Variants in ARPC5L observed in about 807,000 individuals in gnomAD.
ARPC5L encodes actin related protein 2/3 complex subunit 5 like, also known as actin-related protein 2/3 complex subunit 5-like protein.
A neutral mutation model predicts 16.9 loss-of-function variants in ARPC5L; 4 were observed. The observed-to-expected ratio is 0.24, with a 90% CI of 0.12 to 0.54. The LOEUF (loss-of-function observed/expected upper bound fraction) is 0.54, where lower values mean the gene tolerates loss of function less well. Ranked by LOEUF, ARPC5L falls within the 20% of genes least tolerant of loss-of-function variation. The pLI, the probability that ARPC5L is intolerant of heterozygous loss-of-function variation, is 0.95. For missense variants in ARPC5L, 151 were observed against 201.9 expected, an observed-to-expected ratio of 0.75 and a Z score of 1.53; for synonymous variants, 78 against 82.6, an observed-to-expected ratio of 0.94 and a Z score of 0.30.
chr9:124,871,679 C>T (rs1270332283), intron 3 of ARPC5L, among the ~76,000 whole-genome samples: 1 of 152,152 alleles, frequency 6.6e-6, no homozygotes, highest in African/African-American at 2.4e-5. Flanking sequence ...AGTATGAGTT[C>T]CTTTCCCCTT....
chr9:124,869,591 C>T (rs1008326920), intron 3 of ARPC5L, 152 bp downstream of exon 3: 7 of 1,301,482 alleles, frequency 5.4e-6, no homozygotes, highest in African/African-American at 3.1e-5. Context: ...CCCGGCTTCC[C>T]TGGGCCGTGC....
chr9:124,865,530 CTG>C (rs1237087521), intron 2 of ARPC5L, among the ~76,000 whole-genome samples: 1 of 152,126 alleles, frequency 6.6e-6, no homozygotes, highest in African/African-American at 2.4e-5. Context: ...TGGCTCACGT[CTG>C]TAATCCTAGC....
At chr9:124,869,765 C>T (rs571409433) in intron 3 of ARPC5L, among the ~76,000 whole-genome samples, 2 of 152,356 alleles carry the variant, frequency 1.3e-5, no homozygotes, top group Admixed American at 1.3e-4. Context: ...CACGCTGTCC[C>T]TTCCTTGGGG....
rs1052051159 is a variant in ARPC5L, at chr9:124,877,605, C to G, written c.*665C>G. The G allele has an allele frequency of 6.6e-6, 1 of 152,352 alleles. No individual in the cohort carries two copies. Among genetic ancestry groups the G allele is most frequent in the Non-Finnish European group, 1.5e-5 (1 of 68,056 alleles). 9.4% of individuals were successfully genotyped at this position (152,352 alleles called of 1,614,324 possible). On this transcript the variant is annotated 3_prime_UTR_variant, in exon 6 of 6. Transcript: ENST00000353214. ...CAGGACGCCAGCCTCGGCCTCAGAG[C>G]TGCCGGCTGCTGCAGAGAGGTGTTT...
chr9:124,873,862 AG>A, intron 4 of ARPC5L, 98 bp downstream of exon 4: 2 of 1,471,668 alleles, frequency 1.4e-6, no homozygotes, highest in Non-Finnish European at 1.9e-6. Flanking sequence ...CATCAGAGGG[AG>A]TGAGTTGGCA....
In ARPC5L at chr9:124,862,276, C is replaced by G. The variant is rs1829213369; in HGVS notation, c.-1106C>G. On this transcript the variant is annotated 5_prime_UTR_variant, in exon 1 of 6. Coordinates refer to ENST00000353214, the MANE Select transcript of ARPC5L (RefSeq NM_030978.3). ...TCAGTCATTCGTTCATTCATTCCTT[C>G]GGGAAACCTTGCAGATCTCCCAATC... 4.0e-6 allele frequency: 1 copy of G among 252,672 alleles called. No homozygotes were observed. The highest frequency in any genetic ancestry group is 7.6e-6 in the Non-Finnish European group (1 of 132,364). The allele number at this position is 252,672 out of a possible 1,614,324, so 15.7% of individuals were successfully genotyped here.
Position 124,869,454 on chromosome 9 carries a change from C to G in ARPC5L, c.149+15C>G. On this transcript the variant is annotated intron_variant, in intron 3 of 5. Coordinates refer to ENST00000353214, the MANE Select transcript of ARPC5L (RefSeq NM_030978.3). Reference sequence around the variant, plus strand: ...CTCCTGCGGCAATATCCTTCCCTGACGCGGCGTCCGGGCCTGCGCGCGGCC... The same window carrying G: ...CTCCTGCGGCAATATCCTTCCCTGAGGCGGCGTCCGGGCCTGCGCGCGGCC... 6.9e-7 allele frequency: 1 copy of G among 1,439,242 alleles called. No individual in the cohort carries two copies. Among genetic ancestry groups the G allele is most frequent in the Non-Finnish European group, 9.1e-7 (1 of 1,097,706 alleles). The allele number at this position is 1,439,242 out of a possible 1,614,324, so 89.2% of individuals were successfully genotyped here.
intron 3 of ARPC5L, 23 bp from the exon 4 acceptor site, chr9:124,873,669 A>G (rs1452116829): frequency 6.2e-7 from 1 of 1,613,980 alleles, no homozygotes; most frequent in East Asian, 2.2e-5. Context: ...GAGCCTAGCT[A>G]TCCTTAACTG....
intron 3 of ARPC5L, chr9:124,873,353 G>A (rs1358507516): frequency 7.3e-6 from 2 of 275,174 alleles, no homozygotes; most frequent in East Asian, 8.2e-5. Flanking sequence ...TCACATGTAC[G>A]GGTGCTGTGA....
chr9:124,866,129 C>T (rs560831827), intron 2 of ARPC5L, among the ~76,000 whole-genome samples: 4 of 151,310 alleles, frequency 2.6e-5, no homozygotes, highest in South Asian at 2.1e-4. Flanking sequence ...ACAGGTCAGG[C>T]GCAGTGGCTC....
intron 5 of ARPC5L, among the ~76,000 whole-genome samples, chr9:124,876,499 T>G (rs969265817): frequency 6.6e-6 from 1 of 152,048 alleles, no homozygotes; most frequent in Non-Finnish European, 1.5e-5. Context: ...AAAAAATAAA[T>G]TAGCCGGGCC....
At chr9:124,870,015 C>T (rs963146178) in intron 3 of ARPC5L, among the ~76,000 whole-genome samples, 1 of 152,186 alleles carries the variant, frequency 6.6e-6, no homozygotes, top group Non-Finnish European at 1.5e-5. Flanking sequence ...GAGATTGTGT[C>T]TCTCTTCCCC....
intron 2 of ARPC5L, among the ~76,000 whole-genome samples, chr9:124,864,814 T>C (rs371282564): frequency 2.6e-5 from 4 of 151,400 alleles, no homozygotes; most frequent in African/African-American, 7.2e-5. Flanking sequence ...CCTGGACCTT[T>C]TTTTTTTTTT....
In ARPC5L at chr9:124,869,391, C is replaced by A; in HGVS notation, c.101C>A (p.Ala34Glu). 6.6e-7 allele frequency: 1 copy of A among 1,510,752 alleles called. No individual in the cohort carries two copies. Among genetic ancestry groups the A allele is most frequent in the Non-Finnish European group, 8.9e-7 (1 of 1,129,396 alleles). 93.6% of individuals were successfully genotyped at this position (1,510,752 alleles called of 1,614,324 possible). ...VDEQEEAAAA[A>E]AEPGPDPSEV... ...GAGCAGGAGGAGGCGGCGGCGGCGGCGGCGGAGCCAGGCCCGGACCCGAGC... is the reference window on the plus strand; with the variant it reads ...GAGCAGGAGGAGGCGGCGGCGGCGGAGGCGGAGCCAGGCCCGGACCCGAGC... The change falls in exon 3 of 6, where the codon GCG becomes GAG. Residue 34 changes from alanine to glutamate, a missense_variant. Coordinates refer to ENST00000353214, the MANE Select transcript of ARPC5L (RefSeq NM_030978.3).
At position 124,869,297 on chromosome 9, in the gene ARPC5L, C is replaced by T. The variant is rs1829319488; in HGVS notation, c.7C>T (p.Arg3Trp). The change falls in exon 3 of 6, where the codon CGG becomes TGG. Residue 3 changes from arginine (R) to tryptophan (W), a missense_variant. Physicochemically the swap from Arg to Trp is moderately radical, Grantham distance 101. Transcript: ENST00000353214. The stretch of plus-strand genomic sequence containing the variant: ...CGGGCGCCGAGCTCCCGCCATGGCC[C>T]GGAACACGCTGTCCTCGCGCTTCCG... MA[R>W]NTLSSRFRRV... 6.6e-7 allele frequency: 1 copy of T among 1,525,386 alleles called. No individual in the cohort carries two copies. Among genetic ancestry groups the T allele is most frequent in the East Asian group, 2.7e-5 (1 of 36,710 alleles). 94.5% of individuals were successfully genotyped at this position (1,525,386 alleles called of 1,614,324 possible).
Position 124,870,539 on chromosome 9 carries a change from T to G in ARPC5L, c.149+1100T>G, listed in dbSNP as rs978219134. On this transcript the variant is annotated intron_variant, in intron 3 of 5. Transcript: ENST00000353214. Reference sequence around the variant, plus strand: ...GGGAGCCCGGCAGTGCTCCTGAGTGTGCCTTTAAACCGAAAACCTTCAGAC... The same window carrying G: ...GGGAGCCCGGCAGTGCTCCTGAGTGGGCCTTTAAACCGAAAACCTTCAGAC... Among the ~76,000 whole-genome samples the G allele has an allele frequency of 2.6e-5, 4 of 152,174 alleles. No homozygotes were observed. The South Asian group carries it at 8.3e-4, about 32-fold the overall frequency.
At chr9:124,876,854 C>T (rs1180143614) in intron 5 of ARPC5L, 24 bp from the exon 6 acceptor site, 5 of 1,605,424 alleles carry the variant, frequency 3.1e-6, no homozygotes, top group East Asian at 4.5e-5. Context: ...TCATCTGACA[C>T]GTTTTCTTTT....
At position 124,864,022 on chromosome 9, in the gene ARPC5L, C is replaced by G. The variant is rs1035923116; in HGVS notation, c.-949C>G. 6.6e-6 allele frequency: 1 copy of G among 152,166 alleles called. No homozygotes were observed. The highest frequency in any genetic ancestry group is 2.4e-5 in the African/African-American group (1 of 41,424). The allele number at this position is 152,166 out of a possible 1,614,324, so 9.4% of individuals were successfully genotyped here. A position where few individuals can be genotyped will look rare whatever the true frequency, so the allele number is the denominator to read the frequency against. On this transcript the variant is annotated 5_prime_UTR_variant, in exon 2 of 6. Transcript: ENST00000353214. ...AAGTTCTCTGGGGACAGAACCTTGGCGGACAACTGAATTAATTGTTCTAGT... is the reference window on the plus strand; with the variant it reads ...AAGTTCTCTGGGGACAGAACCTTGGGGGACAACTGAATTAATTGTTCTAGT...
Position 124,869,139 on chromosome 9 carries a change from GGGCGGCGGCGGCTGCGCGCGGA to G in ARPC5L, c.-146_-125del. On this transcript the variant is annotated 5_prime_UTR_variant, in exon 3 of 6. Transcript: ENST00000353214. ...GATCCGGCGGGTGCCGGAAGTGGGC[GGGCGGCGGCGGCTGCGCGCGGA>G]GGCGGTGGAGGAGGTGCTGGGAGCA... 1.1e-6 allele frequency: 1 copy of G among 932,472 alleles called. No homozygotes were observed. The allele number at this position is 932,472 out of a possible 1,614,324, so 57.8% of individuals were successfully genotyped here. A position where few individuals can be genotyped will look rare whatever the true frequency, so the allele number is the denominator to read the frequency against.
Sources: allele counts gnomAD v4.1 joint callset (sites outside exome capture counted in the v4.1 genomes callset), GRCh38; gene constraint gnomAD v4.1.1; transcripts MANE v1.5; gene names NCBI Gene and HGNC (gene_info 2026-07-23, HGNC 2026-07-21).